Variants in SPOP observed in about 807,000 individuals in gnomAD.
SPOP encodes the protein speckle-type POZ protein.
Under a neutral mutation model 45.6 loss-of-function variants are expected in SPOP, and 11 were observed. The ratio of observed to expected loss-of-function variants is 0.24; its 90% confidence interval spans 0.15 to 0.40. The LOEUF (loss-of-function observed/expected upper bound fraction) is 0.40. Ranked by LOEUF, SPOP falls within the 10% of genes least tolerant of loss-of-function variation. The pLI is 1.00. For missense variants in SPOP, 152 were observed against 465.6 expected, an observed-to-expected ratio of 0.33 and a Z score of 6.20; for synonymous variants, 166 against 166.3, an observed-to-expected ratio of 1.00 and a Z score of 0.01.
intron 1 of SPOP, among the ~76,000 whole-genome samples, chr17:49,626,239 T>C (rs943087503): frequency 2.0e-5 from 3 of 152,240 alleles, no homozygotes; most frequent in Non-Finnish European, 1.5e-5. Context: ...TTAGATGCTA[T>C]ATTTTATACA....
At chr17:49,673,244 G>A (rs1421507004) in intron 1 of SPOP, among the ~76,000 whole-genome samples, 1 of 152,126 alleles carries the variant, frequency 6.6e-6, no homozygotes, top group Non-Finnish European at 1.5e-5. Flanking sequence ...GGTGGCTCAC[G>A]CCTGTAATCC....
chr17:49,669,113 C>T (rs953187769), intron 1 of SPOP, among the ~76,000 whole-genome samples: 9 of 148,588 alleles, frequency 6.1e-5, no homozygotes, highest in African/African-American at 1.7e-4. Context: ...GTCGCCCAGG[C>T]GGGAGTGCAG....
chr17:49,621,634 T>G (rs945519355), intron 3 of SPOP, among the ~76,000 whole-genome samples: 2 of 152,180 alleles, frequency 1.3e-5, no homozygotes, highest in Non-Finnish European at 2.9e-5. Flanking sequence ...AGAAGAACAC[T>G]CACTAGTTTG....
intron 1 of SPOP, among the ~76,000 whole-genome samples, chr17:49,666,608 A>G (rs1309464623): frequency 6.6e-6 from 1 of 152,102 alleles, no homozygotes; most frequent in African/African-American, 2.4e-5. Flanking sequence ...CAGGCAGATC[A>G]CTTGAGGTCA....
intron 1 of SPOP, among the ~76,000 whole-genome samples, chr17:49,675,608 T>A (rs1597993361): frequency 6.6e-6 from 1 of 152,314 alleles, no homozygotes. Context: ...AATGATTTTT[T>A]AAAAAAGGCT....
chr17:49,661,881 T>C (rs574195010), intron 1 of SPOP, among the ~76,000 whole-genome samples: 1 of 151,926 alleles, frequency 6.6e-6, no homozygotes, highest in South Asian at 2.1e-4. Flanking sequence ...GGCATTGTGG[T>C]GCATGCCTGT....
chr17:49,619,535 T>C lies in SPOP; in HGVS notation c.201-150A>G, dbSNP rs528561972. 2.2e-6 allele frequency: 2 copies of C among 913,090 alleles called. No individual in the cohort carries two copies. Among genetic ancestry groups the C allele is most frequent in the African/African-American group, 3.4e-5 (2 of 59,374 alleles). The allele number at this position is 913,090 out of a possible 1,614,324, so 56.6% of individuals were successfully genotyped here. ...TAGAATGACTAGTTGGGAACAACTT[T>C]TTTCTCTTTTTTTTTGAGACATGGT... is the stretch of plus-strand genomic sequence containing the variant. On this transcript the variant is annotated intron_variant, in intron 3 of 9. Coordinates refer to ENST00000504102, the MANE Select transcript of SPOP (RefSeq NM_001007228.2). This position sits in a 1 kb window ranked among gnomAD's most constrained non-coding sequence, Gnocchi z 4.9.
chr17:49,651,067 G>A (rs2072837644), intron 1 of SPOP, among the ~76,000 whole-genome samples: 1 of 152,116 alleles, frequency 6.6e-6, no homozygotes, highest in Non-Finnish European at 1.5e-5. Flanking sequence ...CCACAGTTAT[G>A]TGAGGAAAAA....
At chr17:49,642,124 A>G (rs987351638) in intron 1 of SPOP, among the ~76,000 whole-genome samples, 22 of 152,296 alleles carry the variant, frequency 1.4e-4, no homozygotes, top group African/African-American at 4.6e-4. Flanking sequence ...GCAAATCAGC[A>G]TAACTATTAT....
intron 1 of SPOP, among the ~76,000 whole-genome samples, chr17:49,663,150 A>G (rs370053820): frequency 6.6e-6 from 1 of 152,202 alleles, no homozygotes; most frequent in Non-Finnish European, 1.5e-5. Flanking sequence ...AGGAGGTGAG[A>G]GGTGGACGGG....
chr17:49,605,896 G>A (rs1394338858), intron 8 of SPOP, among the ~76,000 whole-genome samples: 3 of 150,872 alleles, frequency 2.0e-5, no homozygotes, highest in Admixed American at 1.3e-4. Flanking sequence ...GCTGAGGCAG[G>A]AGAATCACTT....
At position 49,600,111 on chromosome 17, in the gene SPOP, C is replaced by T. The variant is rs2071712737; in HGVS notation, c.*267G>A. 4 of 469,394 alleles carry T rather than the reference C, an allele frequency of 8.5e-6. No individual in the cohort carries two copies. Among genetic ancestry groups the T allele is most frequent in the East Asian group, 6.8e-5 (2 of 29,420 alleles). 29.1% of individuals were successfully genotyped at this position (469,394 alleles called of 1,614,324 possible). A position where few individuals can be genotyped will look rare whatever the true frequency, so the allele number is the denominator to read the frequency against. ...CACCGCTGGGATATCCTCGGGCCAGCGCCTAAACTGAATCCCCACAGTATC... is the reference window on the plus strand; with the variant it reads ...CACCGCTGGGATATCCTCGGGCCAGTGCCTAAACTGAATCCCCACAGTATC... On this transcript the variant is annotated 3_prime_UTR_variant, in exon 10 of 10. Transcript: ENST00000504102. This position sits in a 1 kb window ranked among gnomAD's most constrained non-coding sequence, Gnocchi z 4.2.
intron 1 of SPOP, among the ~76,000 whole-genome samples, chr17:49,635,433 A>G (rs77551398): frequency 6.0e-4 from 92 of 152,318 alleles, no homozygotes; most frequent in African/African-American, 2.1e-3. Flanking sequence ...CAAAACATAC[A>G]CAAGCTTTGG....
chr17:49,648,108 T>C (rs1016560721), intron 1 of SPOP, among the ~76,000 whole-genome samples: 3 of 152,228 alleles, frequency 2.0e-5, no homozygotes, highest in African/African-American at 7.2e-5. Context: ...TGCTTCTCAA[T>C]GTATTCCATA....
chr17:49,608,986 GCAA>G (rs1239165053), intron 6 of SPOP, among the ~76,000 whole-genome samples: 1 of 151,254 alleles, frequency 6.6e-6, no homozygotes, highest in Non-Finnish European at 1.5e-5. Context: ...TTGGCTCATT[GCAA>G]CGTCTGCCTC....
At chr17:49,662,679 T>A (rs1301632696) in intron 1 of SPOP, among the ~76,000 whole-genome samples, 3 of 149,248 alleles carry the variant, frequency 2.0e-5, no homozygotes, top group African/African-American at 7.4e-5. Context: ...AGGGGGAGAC[T>A]CCATCTCAAA....
At position 49,621,937 on chromosome 17, in the gene SPOP, C is replaced by T. The variant is rs1199613177; in HGVS notation, c.200+9G>A. ...AAAAATTTTTACAGTTAGACGTATT[C>T]TTCCTCACCATTTCAGTTTATCATT... On this transcript the variant is annotated intron_variant, in intron 3 of 9. Transcript: ENST00000504102. The T allele has an allele frequency of 1.2e-6, 2 of 1,612,926 alleles. No homozygotes were observed. Among genetic ancestry groups the T allele is most frequent in the Non-Finnish European group, 1.7e-6 (2 of 1,179,330 alleles).
chr17:49,666,634 T>C (rs1329063981), intron 1 of SPOP, among the ~76,000 whole-genome samples: 3 of 151,566 alleles, frequency 2.0e-5, no homozygotes, highest in Non-Finnish European at 4.4e-5. Context: ...TTGAGTCCAG[T>C]CTGGCCAACA....
At chr17:49,607,217 C>T (rs1272452712) in intron 8 of SPOP, 33 bp downstream of exon 8, 1 of 1,613,584 alleles carries the variant, frequency 6.2e-7, no homozygotes, top group Non-Finnish European at 8.5e-7. Flanking sequence ...ACAATAACTC[C>T]TAGTCCTGAT....
Sources: gnomAD v4.1 joint callset for allele counts (sites outside exome capture counted in the v4.1 genomes callset) on GRCh38, gnomAD v4.1.1 for gene constraint, Gnocchi (gnomAD v3.1) non-coding constraint, MANE v1.5 for transcripts, NCBI Gene and HGNC (gene_info 2026-07-23, HGNC 2026-07-21) for gene names.